ASIC2: variants seen among roughly 807,000 people sequenced by gnomAD.
ASIC2 encodes the protein acid sensing ion channel subunit 2.
In ASIC2, 25 loss-of-function variants were observed where a neutral mutation model predicts 57.3. The ratio of observed to expected loss-of-function variants is 0.44; its 90% CI spans 0.32 to 0.61. The LOEUF is 0.61. Among genes scored for constraint, ASIC2 ranks in the 20% least tolerant of loss-of-function variants. The pLI is 0.06. For synonymous variants in ASIC2, 319 were observed against 307.5 expected (o/e 1.04, Z -0.39); for missense variants, 641 against 738.1 (o/e 0.87, Z 1.52).
intron 3 of ASIC2, among the ~76,000 whole-genome samples, chr17:33,079,740 G>T (rs2092104934): frequency 6.6e-6 from 1 of 152,062 alleles, no homozygotes; most frequent in African/African-American, 2.4e-5. Context: ...GCATCATTTG[G>T]GCACTTACGG....
chr17:33,187,003 A>G (rs1470991273), intron 1 of ASIC2, among the ~76,000 whole-genome samples: 1 of 152,306 alleles, frequency 6.6e-6, no homozygotes, highest in East Asian at 1.9e-4. Flanking sequence ...ACTGAGAAGA[A>G]GCTCCAAAGC....
intron 1 of ASIC2, chr17:33,530,056 G>T (rs183924742): frequency 3.9e-5 from 6 of 152,286 alleles, no homozygotes; most frequent in African/African-American, 1.4e-4. Context: ...GAATAAATGC[G>T]AAGGCCATAA....
At position 33,942,083 on chromosome 17, in the gene ASIC2, A is replaced by G. The variant is rs937697325; in HGVS notation, c.555+213895T>C. On this transcript the variant is annotated intron_variant, in intron 1 of 9. Transcript: ENST00000359872. The stretch of plus-strand genomic sequence containing the variant: ...GGTGCTTTGAGTAGGCTGCAGGAAG[A>G]GACAACAGCTGGACCAAGTTTCCAA... Among the ~76,000 whole-genome samples the G allele has an allele frequency of 3.3e-5, 5 of 152,304 alleles. No homozygotes were observed. The East Asian group carries it at 9.6e-4, about 29-fold the overall frequency.
chr17:33,091,433 C>T (rs984613209), intron 2 of ASIC2, among the ~76,000 whole-genome samples: 2 of 152,138 alleles, frequency 1.3e-5, no homozygotes, highest in African/African-American at 2.4e-5. Context: ...AACTTGTTTT[C>T]GAGAGCTAGC....
intron 1 of ASIC2, among the ~76,000 whole-genome samples, chr17:33,243,876 G>A (rs1055300048): frequency 1.3e-5 from 2 of 152,160 alleles, no homozygotes; most frequent in Admixed American, 6.5e-5. Context: ...AATCTAACCG[G>A]GAGTTGGGAA....
At position 33,138,687 on chromosome 17, in the gene ASIC2, G is replaced by A. The variant is rs182447819; in HGVS notation, c.709-26620C>T. Reference sequence around the variant, plus strand: ...TTCCTCTTACTTCTTCATATTCCTCGGAGGGCTCCCTGCCACCTCAGGTAG... The same window carrying A: ...TTCCTCTTACTTCTTCATATTCCTCAGAGGGCTCCCTGCCACCTCAGGTAG... On this transcript the variant is annotated intron_variant, in intron 1 of 9. Coordinates refer to ENST00000225823, the MANE Select transcript of ASIC2 (RefSeq NM_183377.2). 3.3e-5 allele frequency among the ~76,000 whole-genome samples: 5 copies of A among 152,220 alleles called. No individual in the cohort carries two copies. In the East Asian group the frequency reaches 7.7e-4, roughly 24 times the overall value.
intron 3 of ASIC2, among the ~76,000 whole-genome samples, chr17:33,038,608 G>A (rs981399742): frequency 6.6e-6 from 1 of 152,184 alleles, no homozygotes; most frequent in Non-Finnish European, 1.5e-5. Context: ...ACTGTGCTAT[G>A]GAACTGGAGG....
intron 1 of ASIC2, among the ~76,000 whole-genome samples, chr17:33,282,453 ATGTGTG>A (rs35692967): frequency 6.8e-6 from 1 of 147,454 alleles, no homozygotes; most frequent in Non-Finnish European, 1.5e-5. Context: ...CTCTGTGTGT[ATGTGTG>A]TGTGTGTGTG....
intron 1 of ASIC2, among the ~76,000 whole-genome samples, chr17:33,424,081 T>A (rs543611333): frequency 6.6e-6 from 1 of 152,310 alleles, no homozygotes; most frequent in South Asian, 2.1e-4. Flanking sequence ...GCTGGCATCA[T>A]CTCTGCCTTC....
At chr17:33,278,879 T>C (rs1362324917) in intron 1 of ASIC2, among the ~76,000 whole-genome samples, 1 of 152,082 alleles carries the variant, frequency 6.6e-6, no homozygotes, top group Admixed American at 6.5e-5. Context: ...AAGCCAGACA[T>C]GGCCCTTGCC....
chr17:33,747,662 C>T (rs1213260114), intron 1 of ASIC2, among the ~76,000 whole-genome samples: 1 of 152,204 alleles, frequency 6.6e-6, no homozygotes, highest in Admixed American at 6.5e-5. Flanking sequence ...CAGATTCTCC[C>T]CAACTTCCAT....
Position 33,155,899 on chromosome 17 carries a change from G to T in ASIC2, c.709-43832C>A, listed in dbSNP as rs560623328. On this transcript the variant is annotated intron_variant, in intron 1 of 9. Coordinates refer to ENST00000225823, the MANE Select transcript of ASIC2 (RefSeq NM_183377.2). ...CCGCAGAGTACTACTTGAGTGCATT[G>T]TAAGCACTTTTTACTTAAGGCCCCA... Among the ~76,000 whole-genome samples, 4 of 152,188 alleles carry T rather than the reference G, an allele frequency of 2.6e-5. 1 individual carries two copies. The highest frequency in any genetic ancestry group is 9.6e-5 in the African/African-American group (4 of 41,546).
chr17:33,526,561 C>G (rs1162236018), intron 1 of ASIC2, among the ~76,000 whole-genome samples: 1 of 151,618 alleles, frequency 6.6e-6, no homozygotes, highest in Non-Finnish European at 1.5e-5. Flanking sequence ...CGTTCTAGCT[C>G]AAACCTATGC....
At chr17:33,914,849 C>T in intron 1 of ASIC2, among the ~76,000 whole-genome samples, 1 of 152,208 alleles carries the variant, frequency 6.6e-6, no homozygotes, top group East Asian at 1.9e-4. Flanking sequence ...TAGATAAATG[C>T]TTACGAAGTA....
intron 1 of ASIC2, among the ~76,000 whole-genome samples, chr17:33,666,047 G>A (rs184789025): frequency 1.4e-4 from 21 of 152,280 alleles, no homozygotes; most frequent in African/African-American, 4.6e-4. Flanking sequence ...GGCACCCGAC[G>A]TGAGAATGGA....
At chr17:33,727,589 C>G (rs1314685974) in intron 1 of ASIC2, among the ~76,000 whole-genome samples, 1 of 152,104 alleles carries the variant, frequency 6.6e-6, no homozygotes, top group Non-Finnish European at 1.5e-5. Flanking sequence ...AGCACCTTCC[C>G]CATCTCTCTC....
rs2142182668 is a variant in ASIC2 at position 33,291,804 on chromosome 17, G to A, written c.312C>T (p.Ser104=). ...CTSFGLLLSW[S]SNRLLYWLSF... is the part of the protein sequence containing the mutation. ...TGAGCCAGTAGAGCAAGCGGTTCGAGGACCAGGACAGCAGCAAGCCGAAGG... is the reference window on the plus strand; with the variant it reads ...TGAGCCAGTAGAGCAAGCGGTTCGAAGACCAGGACAGCAGCAAGCCGAAGG... The change falls in exon 1 of 10, where the codon TCC becomes TCT. Residue 104 remains serine, a synonymous_variant. Transcript: ENST00000225823. The A allele has an allele frequency of 6.2e-7, 1 of 1,613,538 alleles. No individual in the cohort carries two copies. The highest frequency in any genetic ancestry group is 2.2e-5 in the East Asian group (1 of 44,848).
At chr17:33,267,532 T>G (rs1412225553) in intron 1 of ASIC2, among the ~76,000 whole-genome samples, 1 of 152,200 alleles carries the variant, frequency 6.6e-6, no homozygotes, top group East Asian at 1.9e-4. Context: ...CCCAACACTG[T>G]GCTAGGACAG....
chr17:33,313,874 A>T (rs1906535648), intron 1 of ASIC2, among the ~76,000 whole-genome samples: 2 of 152,044 alleles, frequency 1.3e-5, no homozygotes. Context: ...GGTGGCAGAG[A>T]CTTGGCCTGA....
Sources: allele counts gnomAD v4.1 joint callset (sites outside exome capture counted in the v4.1 genomes callset), GRCh38; gene constraint gnomAD v4.1.1; transcripts MANE v1.5; gene names NCBI Gene and HGNC (gene_info 2026-07-23, HGNC 2026-07-21).